The following CERK variants were observed in gnomAD, a reference collection of about 807,000 sequenced individuals.
The protein encoded by CERK is ceramide kinase.
A neutral mutation model predicts 63.4 loss-of-function variants in CERK; 39 were observed. The observed-to-expected ratio is 0.61, with a 90% CI of 0.48 to 0.80. CERK has a LOEUF of 0.80. Ranked by LOEUF, CERK falls within the 30% of genes least tolerant of loss-of-function variation. The pLI is 0.00. For missense variants in CERK, 670 were observed against 714.1 expected (o/e 0.94, Z 0.70); for synonymous variants, 302 against 280.0 (o/e 1.08, Z -0.78).
chr22:46,694,903 A>G (rs2082748475), intron 9 of CERK, among the ~76,000 whole-genome samples: 1 of 152,108 alleles, frequency 6.6e-6, no homozygotes, highest in South Asian at 2.1e-4. Context: ...GCAGGGGGTA[A>G]AGGGAACCCC....
At chr22:46,734,706 G>T (rs562332477) in intron 1 of CERK, among the ~76,000 whole-genome samples, 2 of 152,284 alleles carry the variant, frequency 1.3e-5, no homozygotes, top group African/African-American at 4.8e-5. Flanking sequence ...TAGTAGCGTG[G>T]AAAACACTCT....
intron 8 of CERK, among the ~76,000 whole-genome samples, chr22:46,697,309 TC>T (rs1376501159): frequency 5.3e-5 from 8 of 152,072 alleles, no homozygotes; most frequent in African/African-American, 1.7e-4. Context: ...TTCTTTCTTT[TC>T]TTTTTTTTTT....
chr22:46,688,633 A>G (rs1321585449), intron 12 of CERK, among the ~76,000 whole-genome samples: 2 of 152,228 alleles, frequency 1.3e-5, no homozygotes, highest in Non-Finnish European at 2.9e-5. Flanking sequence ...CTGGCTGAGG[A>G]GTCACTGAAA....
At chr22:46,713,811 T>A (rs1050413357) in intron 3 of CERK, among the ~76,000 whole-genome samples, 1 of 152,154 alleles carries the variant, frequency 6.6e-6, no homozygotes, top group Non-Finnish European at 1.5e-5. Flanking sequence ...TACAAAGGTA[T>A]GTGTGTTTCA....
chr22:46,727,449 C>CTTT (rs772547106), intron 1 of CERK, among the ~76,000 whole-genome samples: 1 of 61,794 alleles, frequency 1.6e-5, no homozygotes, highest in Non-Finnish European at 4.5e-5. Flanking sequence ...CCAGCTGTTT[C>CTTT]TTTTTTTTTT....
At chr22:46,689,655 AAGAG>A (rs1204580850) in intron 12 of CERK, among the ~76,000 whole-genome samples, 2 of 151,974 alleles carry the variant, frequency 1.3e-5, no homozygotes, top group South Asian at 4.2e-4. Flanking sequence ...TATTTAGGAG[AAGAG>A]AGAGAGAATG....
At chr22:46,702,291 CA>C (rs1327515667) in intron 6 of CERK, among the ~76,000 whole-genome samples, 26 of 86,404 alleles carry the variant, frequency 3.0e-4, no homozygotes, top group East Asian at 1.7e-3. Flanking sequence ...ATAGGCATAA[CA>C]AAATTTTTTT....
chr22:46,738,144 C>T lies in CERK; in HGVS notation c.5G>A (p.Gly2Glu). 8.3e-7 allele frequency: 1 copy of T among 1,197,924 alleles called. No individual in the cohort carries two copies. Among genetic ancestry groups the T allele is most frequent in the South Asian group, 2.8e-5 (1 of 35,944 alleles). The allele number at this position is 1,197,924 out of a possible 1,614,324, so 74.2% of individuals were successfully genotyped here. M[G>E]ATGAAEPLQS... ...CAGCGGCTCCGCCGCCCCCGTCGCC[C>T]CCATCTCCGCCGCCGGGCTCGTCCG... The change falls in exon 1 of 13, where the codon GGG becomes GAG. Residue 2 changes from glycine to glutamate, a missense_variant. Transcript: ENST00000216264.
intron 12 of CERK, 58 bp from the exon 13 acceptor site, chr22:46,687,264 G>A: frequency 7.1e-7 from 1 of 1,403,962 alleles, no homozygotes; most frequent in Non-Finnish European, 1.0e-6. Context: ...AAGCTGGCCT[G>A]AGCCCCACTC....
chr22:46,703,414 C>T (rs2082797373), intron 6 of CERK, among the ~76,000 whole-genome samples: 1 of 152,058 alleles, frequency 6.6e-6, no homozygotes, highest in South Asian at 2.1e-4. Flanking sequence ...GCGGCTGGAA[C>T]CCTGGAGCAT....
At chr22:46,698,687 T>C (rs2082768152) in intron 8 of CERK, among the ~76,000 whole-genome samples, 1 of 151,914 alleles carries the variant, frequency 6.6e-6, no homozygotes. Flanking sequence ...GCTCAGGAGT[T>C]TGAGACCAGC....
chr22:46,724,902 C>T (rs1443347564), intron 1 of CERK, among the ~76,000 whole-genome samples: 10 of 152,020 alleles, frequency 6.6e-5, no homozygotes, highest in African/African-American at 1.7e-4. Context: ...GCACCTGTAG[C>T]CCCAGCTACT....
intron 12 of CERK, among the ~76,000 whole-genome samples, chr22:46,687,821 C>T (rs1404831812): frequency 6.6e-6 from 1 of 152,234 alleles, no homozygotes; most frequent in African/African-American, 2.4e-5. Flanking sequence ...TCTTCCCACA[C>T]AGGACAGCTC....
chr22:46,728,145 C>G (rs1328929094), intron 1 of CERK, among the ~76,000 whole-genome samples: 2 of 152,142 alleles, frequency 1.3e-5, no homozygotes, highest in Non-Finnish European at 2.9e-5. Flanking sequence ...TCCATACCAG[C>G]TGGCATCTCA....
chr22:46,732,843 C>T (rs1431398593), intron 1 of CERK, among the ~76,000 whole-genome samples: 1 of 152,136 alleles, frequency 6.6e-6, no homozygotes, highest in African/African-American at 2.4e-5. Flanking sequence ...CTACTTATAT[C>T]CATTGCCATT....
intron 1 of CERK, among the ~76,000 whole-genome samples, chr22:46,731,711 G>A (rs2082946136): frequency 6.6e-6 from 1 of 152,226 alleles, no homozygotes; most frequent in African/African-American, 2.4e-5. Context: ...CTGGGCTGGT[G>A]AGCACGTGTG....
intron 11 of CERK, among the ~76,000 whole-genome samples, chr22:46,691,032 CAT>C (rs1425143581): frequency 2.1e-5 from 3 of 139,676 alleles, no homozygotes; most frequent in East Asian, 2.1e-4. Flanking sequence ...TATATATACA[CAT>C]ACACACACAT....
At chr22:46,716,016 G>T (rs1444386587) in intron 3 of CERK, among the ~76,000 whole-genome samples, 1 of 151,868 alleles carries the variant, frequency 6.6e-6, no homozygotes, top group African/African-American at 2.4e-5. Context: ...CAAGACCCCA[G>T]CTCTATGAAA....
rs1445224805 is a variant in CERK, at chr22:46,684,950, CCAGCCATGCGGAATGGCTGGG to C, written c.*2163_*2183del. ...GAGTATCACCAGAGCCACTCAGGAA[CCAGCCATGCGGAATGGCTGGG>C]TTTCTTATTGAACATGAAATGCTTC... is the stretch of plus-strand genomic sequence containing the variant. On this transcript the variant is annotated 3_prime_UTR_variant, in exon 13 of 13. Transcript: ENST00000216264. 1 of 152,228 alleles carries C rather than the reference CCAGCCATGCGGAATGGCTGGG, an allele frequency of 6.6e-6. No homozygotes were observed. The highest frequency in any genetic ancestry group is 2.4e-5 in the African/African-American group (1 of 41,436). The allele number at this position is 152,228 out of a possible 1,614,324, so 9.4% of individuals were successfully genotyped here.
Sources: allele counts gnomAD v4.1 joint callset (sites outside exome capture counted in the v4.1 genomes callset), GRCh38; gene constraint gnomAD v4.1.1; transcripts MANE v1.5; gene names NCBI Gene and HGNC (gene_info 2026-07-23, HGNC 2026-07-21).